NGLY1: variants seen among roughly 807,000 people sequenced by gnomAD.
NGLY1 encodes N-glycanase 1.
A neutral mutation model predicts 84.6 loss-of-function variants in NGLY1; 68 were observed. The observed-to-expected ratio is 0.80, with a 90% CI of 0.66 to 0.98. The LOEUF is 0.98. Among genes scored for constraint, NGLY1 ranks in the 50% least tolerant of loss-of-function variants. The probability of loss-of-function intolerance (pLI) is 0.00; values close to 1 mark genes in which losing one functional copy is unlikely to be tolerated. For synonymous variants in NGLY1, 280 were observed against 275.2 expected (o/e 1.02, Z -0.17); for missense variants, 779 against 770.2 (o/e 1.01, Z -0.14).
At position 25,783,405 on chromosome 3, in the gene NGLY1, G is replaced by C; in HGVS notation, c.-15C>G. 2.0e-6 allele frequency: 3 copies of C among 1,523,170 alleles called. No individual in the cohort carries two copies. The highest frequency in any genetic ancestry group is 2.6e-6 in the Non-Finnish European group (3 of 1,136,608). 94.4% of individuals were successfully genotyped at this position (1,523,170 alleles called of 1,614,324 possible). On this transcript the variant is annotated 5_prime_UTR_variant, in exon 1 of 12. Coordinates refer to ENST00000280700, the MANE Select transcript of NGLY1 (RefSeq NM_018297.4). The surrounding 1 kb of genome is among the most constrained non-coding windows in gnomAD (Gnocchi z 4.5). ...GCCGCCGCCATGCTTGAGCGCCAGC[G>C]GGCGCCGCCGCCGCCCCTCGCTCTC...
At chr3:25,725,143 G>A (rs1341617915) in intron 10 of NGLY1, among the ~76,000 whole-genome samples, 1 of 152,158 alleles carries the variant, frequency 6.6e-6, no homozygotes, top group African/African-American at 2.4e-5. Context: ...AGGCTTTGCT[G>A]GGTTTTGTCA....
At chr3:25,787,708 T>C (rs1708635236), upstream of NGLY1, among the ~76,000 whole-genome samples, 1 of 152,234 alleles carries the variant, frequency 6.6e-6, no homozygotes, top group Non-Finnish European at 1.5e-5. Flanking sequence ...GGCTAGCATA[T>C]GGTCTCTGAA....
chr3:25,789,884 T>G, exon 1 of NGLY1: 1 of 1,551,732 alleles, frequency 6.4e-7, no homozygotes, highest in Non-Finnish European at 8.7e-7. Context: ...TGGCAGGTCC[T>G]CGATTATCGG....
At chr3:25,763,471 TG>T (rs1204447695) in intron 3 of NGLY1, among the ~76,000 whole-genome samples, 1 of 152,176 alleles carries the variant, frequency 6.6e-6, no homozygotes, top group African/African-American at 2.4e-5. Context: ...GTATTCAAAA[TG>T]GAATGCACAT....
intron 8 of NGLY1, among the ~76,000 whole-genome samples, chr3:25,732,841 G>C (rs1705609147): frequency 6.6e-6 from 1 of 152,098 alleles, no homozygotes; most frequent in Non-Finnish European, 1.5e-5. Flanking sequence ...CACACAAACA[G>C]AACACTCACA....
intron 3 of NGLY1, chr3:25,755,063 G>A (rs1312916474): frequency 1.4e-6 from 2 of 1,408,068 alleles, no homozygotes; most frequent in African/African-American, 2.8e-5. Context: ...TTTCCGAAAT[G>A]TGACTACAAT....
intron 4 of NGLY1, among the ~76,000 whole-genome samples, chr3:25,744,868 G>A (rs1706339340): frequency 6.6e-6 from 1 of 152,112 alleles, no homozygotes; most frequent in Admixed American, 6.5e-5. Context: ...TGTGAAGGAT[G>A]GAAAACATAT....
chr3:25,789,959 C>G, exon 1 of NGLY1: 3 of 1,464,052 alleles, frequency 2.0e-6, no homozygotes, highest in Non-Finnish European at 2.8e-6. Flanking sequence ...CCGCCTCCCA[C>G]GGTCTGACCT....
intron 4 of NGLY1, among the ~76,000 whole-genome samples, chr3:25,750,169 A>G (rs959673228): frequency 2.6e-5 from 4 of 152,124 alleles, no homozygotes; most frequent in African/African-American, 9.7e-5. Context: ...AGCAGGGGAA[A>G]CGCCAGATGC....
chr3:25,776,658 A>G (rs906397199), intron 2 of NGLY1, among the ~76,000 whole-genome samples: 10 of 152,146 alleles, frequency 6.6e-5, no homozygotes, highest in African/African-American at 2.4e-4. Context: ...CTACTCTCCA[A>G]GGCTTCTCTA....
At chr3:25,739,150 T>C (rs1297747646) in intron 5 of NGLY1, among the ~76,000 whole-genome samples, 4 of 152,208 alleles carry the variant, frequency 2.6e-5, no homozygotes, top group Non-Finnish European at 5.9e-5. Context: ...TTATAAGTAT[T>C]GTTAGCTATC....
intron 2 of NGLY1, among the ~76,000 whole-genome samples, chr3:25,770,563 C>A (rs1175915580): frequency 1.3e-5 from 2 of 152,236 alleles, no homozygotes; most frequent in South Asian, 2.1e-4. Flanking sequence ...ATAATGACTT[C>A]TTTTCCTCTG....
chr3:25,789,869 G>A (rs1290789491), exon 1 of NGLY1: 1 of 1,551,714 alleles, frequency 6.4e-7, no homozygotes, highest in Admixed American at 2.0e-5. Flanking sequence ...ACCTCATCGC[G>A]TTATTGGCAG....
upstream of NGLY1, among the ~76,000 whole-genome samples, chr3:25,783,710 G>A (rs1708535659): frequency 6.6e-6 from 1 of 151,650 alleles, no homozygotes; most frequent in Non-Finnish European, 1.5e-5. The surrounding 1 kb of genome is among the most constrained non-coding windows in gnomAD (Gnocchi z 4.5). Context: ...TCGGAAGAAG[G>A]TGGGGGGCCT....
In NGLY1 at chr3:25,749,436, T is replaced by C. The variant is rs1009506136; in HGVS notation, c.658+1662A>G. ...TTCACCTTAAAAAGGAAGGAAGCTC[T>C]CTCCTCCTCAGCACTGCCTACAGAG... On this transcript the variant is annotated intron_variant, in intron 4 of 11. Coordinates refer to ENST00000280700, the MANE Select transcript of NGLY1 (RefSeq NM_018297.4). 8 of 1,021,434 alleles carry C rather than the reference T, an allele frequency of 7.8e-6. No homozygotes were observed. The African/African-American group carries it at 9.5e-5, about 12-fold the overall frequency. The allele number at this position is 1,021,434 out of a possible 1,614,324, so 63.3% of individuals were successfully genotyped here.
chr3:25,774,311 C>T (rs766418287), intron 2 of NGLY1, among the ~76,000 whole-genome samples: 1 of 152,108 alleles, frequency 6.6e-6, no homozygotes, highest in Non-Finnish European at 1.5e-5. Context: ...GTAAGCTTGC[C>T]CTAGGGTTGC....
intron 10 of NGLY1, among the ~76,000 whole-genome samples, chr3:25,725,626 T>C (rs565156576): frequency 8.5e-5 from 13 of 152,182 alleles, no homozygotes; most frequent in Non-Finnish European, 1.3e-4. Context: ...CATGTTAGAA[T>C]TGATTGGATT....
intron 3 of NGLY1, among the ~76,000 whole-genome samples, chr3:25,761,054 A>G (rs1208856567): frequency 6.6e-6 from 1 of 152,152 alleles, no homozygotes; most frequent in African/African-American, 2.4e-5. Flanking sequence ...TATAATTTCA[A>G]TGAAATAATC....
At chr3:25,763,032 C>A (rs751573170) in intron 3 of NGLY1, among the ~76,000 whole-genome samples, 1 of 151,468 alleles carries the variant, frequency 6.6e-6, no homozygotes, top group South Asian at 2.1e-4. Flanking sequence ...GGCTGAGGCA[C>A]GAGAATCACT....
Sources: allele counts gnomAD v4.1 joint callset (sites outside exome capture counted in the v4.1 genomes callset), GRCh38; gene constraint gnomAD v4.1.1; non-coding constraint Gnocchi (gnomAD v3.1); transcripts MANE v1.5; gene names NCBI Gene and HGNC (gene_info 2026-07-23, HGNC 2026-07-21).